The following PCDH15 variants were observed in gnomAD, a reference collection of about 807,000 sequenced individuals.
PCDH15 encodes protocadherin related 15.
A neutral mutation model predicts 178.5 loss-of-function variants in PCDH15; 129 were observed. The observed-to-expected ratio is 0.72, with a 90% confidence interval of 0.63 to 0.84. PCDH15 has a LOEUF of 0.84. Among genes scored for constraint, PCDH15 ranks in the 40% least tolerant of loss-of-function variants. The pLI, the probability that PCDH15 is intolerant of heterozygous loss-of-function variation, is 0.00. For missense variants in PCDH15, 2,230 were observed against 2,099.9 expected, an observed-to-expected ratio of 1.06 and a Z score of -1.21; for synonymous variants, 800 against 732.0, an observed-to-expected ratio of 1.09 and a Z score of -1.50.
At chr10:54,915,853 G>T (rs756747096) in intron 2 of PCDH15, among the ~76,000 whole-genome samples, 8 of 152,016 alleles carry the variant, frequency 5.3e-5, no homozygotes, top group Admixed American at 2.6e-4. Context: ...TTTTGAGATG[G>T]AGTCTCACTC....
intron 1 of PCDH15, among the ~76,000 whole-genome samples, chr10:54,788,222 A>G (rs2133513088): frequency 6.6e-6 from 1 of 152,084 alleles, no homozygotes; most frequent in African/African-American, 2.4e-5. Context: ...TATGGGTTTC[A>G]AGCTTGTAAT....
intron 21 of PCDH15, among the ~76,000 whole-genome samples, chr10:53,991,078 A>G (rs977305369): frequency 1.3e-5 from 2 of 151,930 alleles, no homozygotes; most frequent in African/African-American, 4.8e-5. Flanking sequence ...GCAGCCCGCC[A>G]TGGCCGAACC....
intron 3 of PCDH15, among the ~76,000 whole-genome samples, chr10:54,482,494 T>C (rs1253949001): frequency 1.3e-5 from 2 of 151,804 alleles, no homozygotes; most frequent in Non-Finnish European, 2.9e-5. Context: ...AGAGTGTATT[T>C]ATTTAGATGC....
chr10:54,549,929 C>A (rs1359427277), intron 2 of PCDH15, among the ~76,000 whole-genome samples: 1 of 152,018 alleles, frequency 6.6e-6, no homozygotes, highest in Non-Finnish European at 1.5e-5. Context: ...TAGTGGCCTT[C>A]TTTATAGCTA....
chr10:54,944,020 G>A lies in PCDH15; in HGVS notation c.-79-46520C>T, dbSNP rs575306469. Among the ~76,000 whole-genome samples, 15 of 151,960 alleles carry A rather than the reference G, an allele frequency of 9.9e-5. No individual in the cohort carries two copies. In the South Asian group the frequency reaches 2.9e-3, roughly 29 times the overall value. ...AAAGATTCAGAGGAGATAAGGCCTG[G>A]GTTAAATTTCTGTCTAAATTTCTAA... On this transcript the variant is annotated intron_variant, in intron 2 of 5. Transcript: ENST00000458638.
intron 2 of PCDH15, among the ~76,000 whole-genome samples, chr10:55,336,444 G>T (rs796287090): frequency 7.2e-5 from 11 of 152,250 alleles, no homozygotes; most frequent in African/African-American, 2.6e-4. Context: ...GTTGCAGTGA[G>T]CCAAGGTCAC....
chr10:54,250,708 A>G (rs1165605414), intron 8 of PCDH15, among the ~76,000 whole-genome samples: 1 of 152,226 alleles, frequency 6.6e-6, no homozygotes, highest in Non-Finnish European at 1.5e-5. Context: ...TTGGGTATCA[A>G]ATAATCTGGA....
chr10:55,250,396 C>T (rs546312560), intron 1 of PCDH15, among the ~76,000 whole-genome samples: 4 of 151,848 alleles, frequency 2.6e-5, no homozygotes, highest in African/African-American at 9.7e-5. Context: ...ATCCTCCCTT[C>T]TCAACCTCCC....
intron 2 of PCDH15, among the ~76,000 whole-genome samples, chr10:55,483,681 T>A (rs555502903): frequency 2.6e-5 from 4 of 151,624 alleles, no homozygotes; most frequent in South Asian, 4.2e-4. Flanking sequence ...CATACTGTGG[T>A]GGTGTGTGTC....
chr10:54,505,376 C>T (rs757469195), intron 3 of PCDH15, among the ~76,000 whole-genome samples: 7 of 151,986 alleles, frequency 4.6e-5, no homozygotes, highest in Non-Finnish European at 1.0e-4. Context: ...AGTTAAAAAC[C>T]CTATTTGTCT....
At chr10:54,411,708 A>G (rs890643067) in intron 3 of PCDH15, among the ~76,000 whole-genome samples, 78 of 152,290 alleles carry the variant, frequency 5.1e-4, no homozygotes, top group African/African-American at 1.9e-3. Flanking sequence ...TACTTTTGAT[A>G]TAAGACTAGA....
chr10:54,934,782 A>T (rs2131856734), intron 2 of PCDH15, among the ~76,000 whole-genome samples: 2 of 151,950 alleles, frequency 1.3e-5, no homozygotes, highest in East Asian at 3.9e-4. Context: ...ATGCACACGT[A>T]TGTTTATTGC....
intron 3 of PCDH15, among the ~76,000 whole-genome samples, chr10:54,388,210 T>C (rs1950143285): frequency 6.6e-6 from 1 of 152,144 alleles, no homozygotes; most frequent in Non-Finnish European, 1.5e-5. Context: ...TTTTCTCTGT[T>C]CAAACGTTCA....
At chr10:55,403,693 T>C (rs1044376794) in intron 2 of PCDH15, among the ~76,000 whole-genome samples, 2 of 152,026 alleles carry the variant, frequency 1.3e-5, no homozygotes, top group Admixed American at 6.6e-5. Context: ...TCTGTTTTTA[T>C]AGCAATACCT....
At chr10:54,850,496 A>G (rs1427369010) in intron 3 of PCDH15, among the ~76,000 whole-genome samples, 4 of 152,070 alleles carry the variant, frequency 2.6e-5, no homozygotes, top group Admixed American at 2.6e-4. Context: ...ATGCTTTTGC[A>G]TCCTTATAGC....
chr10:54,690,017 A>G (rs1474444488), intron 1 of PCDH15, among the ~76,000 whole-genome samples: 1 of 152,208 alleles, frequency 6.6e-6, no homozygotes, highest in Non-Finnish European at 1.5e-5. Context: ...CAGCATGATC[A>G]AGAAATTGTA....
At chr10:55,401,328 C>T (rs1302609779) in intron 2 of PCDH15, among the ~76,000 whole-genome samples, 2 of 148,742 alleles carry the variant, frequency 1.3e-5, no homozygotes, top group African/African-American at 5.0e-5. Context: ...CCTATATTTA[C>T]TCAGCACTTA....
intron 2 of PCDH15, among the ~76,000 whole-genome samples, chr10:55,068,051 C>T (rs1039995204): frequency 2.6e-5 from 4 of 152,016 alleles, no homozygotes; most frequent in African/African-American, 9.7e-5. Flanking sequence ...TCTCTACAGT[C>T]TGTTAGTTTG....
At chr10:55,168,019 A>G (rs539735850) in intron 1 of PCDH15, among the ~76,000 whole-genome samples, 28 of 152,316 alleles carry the variant, frequency 1.8e-4, no homozygotes, top group African/African-American at 6.7e-4. Context: ...GTCAATTTTT[A>G]TAATACTTTG....
Sources: allele counts gnomAD v4.1 joint callset (sites outside exome capture counted in the v4.1 genomes callset), GRCh38; gene constraint gnomAD v4.1.1; transcripts MANE v1.5; gene names NCBI Gene and HGNC (gene_info 2026-07-23, HGNC 2026-07-21).